LEP: variants seen among roughly 807,000 people sequenced by gnomAD.
LEP encodes leptin.
A neutral mutation model predicts 9.8 loss-of-function variants in LEP; 6 were observed. The ratio of observed to expected loss-of-function variants is 0.61; its 90% CI spans 0.34 to 1.21. The LOEUF (loss-of-function observed/expected upper bound fraction) is 1.21. LEP is among the 50% of genes most tolerant of loss of function. The pLI is 0.04. For synonymous variants in LEP, 112 were observed against 81.7 expected (o/e 1.37, Z -2.00); for missense variants, 134 against 198.1 (o/e 0.68, Z 1.94).
At chr7:128,249,712 G>A (rs975546818) in intron 1 of LEP, among the ~76,000 whole-genome samples, 4 of 152,120 alleles carry the variant, frequency 2.6e-5, no homozygotes, top group African/African-American at 4.8e-5. Flanking sequence ...GTTGATGTGC[G>A]TGTGTGTGTG....
intron 1 of LEP, among the ~76,000 whole-genome samples, chr7:128,244,243 C>T (rs2116205462): frequency 1.2e-5 from 1 of 82,554 alleles, no homozygotes; most frequent in South Asian, 5.5e-4. Context: ...AGAGCAAGAC[C>T]CTGACACACA....
At chr7:128,251,281 G>T (rs1795272004) in intron 1 of LEP, among the ~76,000 whole-genome samples, 1 of 152,184 alleles carries the variant, frequency 6.6e-6, no homozygotes, top group Admixed American at 6.5e-5. Context: ...AGCATCTGTT[G>T]TTCACCATTG....
intron 1 of LEP, among the ~76,000 whole-genome samples, chr7:128,246,106 A>C (rs1795208237): frequency 6.6e-6 from 1 of 152,018 alleles, no homozygotes; most frequent in African/African-American, 2.4e-5. Flanking sequence ...AAAAAAAATA[A>C]AGAGGAGCAC....
Position 128,254,622 on chromosome 7 carries a change from G to A in LEP, c.363G>A (p.Trp121Ter). 6.2e-7 allele frequency: 1 copy of A among 1,614,146 alleles called. No individual in the cohort carries two copies. The highest frequency in any genetic ancestry group is 1.1e-5 in the South Asian group (1 of 91,084). Reference sequence around the variant, plus strand: ...TCTCTAAGAGCTGCCACTTGCCCTGGGCCAGTGGCCTGGAGACCTTGGACA... The same window carrying A: ...TCTCTAAGAGCTGCCACTTGCCCTGAGCCAGTGGCCTGGAGACCTTGGACA... The part of the protein sequence containing the change: ...LAFSKSCHLP[W>*]ASGLETLDSL... Residue 121 changes from tryptophan (W) to a stop codon, truncating the protein, a stop_gained, in exon 3 of 3, where the codon TGG (tryptophan) becomes TGA (stop). Transcript: ENST00000308868. LOFTEE classifies it high-confidence loss of function.
intron 1 of LEP, among the ~76,000 whole-genome samples, chr7:128,249,598 A>G (rs906270773): frequency 2.6e-5 from 4 of 152,208 alleles, no homozygotes; most frequent in African/African-American, 4.8e-5. Context: ...TTTATTCTAG[A>G]TGGCCATATC....
At chr7:128,249,955 T>C (rs1337266938) in intron 1 of LEP, among the ~76,000 whole-genome samples, 1 of 152,180 alleles carries the variant, frequency 6.6e-6, no homozygotes, top group East Asian at 1.9e-4. Flanking sequence ...TCAGTGGTGA[T>C]AGAGGGGGCT....
At chr7:128,244,452 C>T (rs182970851) in intron 1 of LEP, among the ~76,000 whole-genome samples, 32 of 152,300 alleles carry the variant, frequency 2.1e-4, no homozygotes, top group Non-Finnish European at 4.3e-4. Context: ...AAATCACTCA[C>T]GCTGGCCCTG....
chr7:128,250,809 A>G (rs1795266108), intron 1 of LEP, among the ~76,000 whole-genome samples: 1 of 152,138 alleles, frequency 6.6e-6, no homozygotes, highest in Non-Finnish European at 1.5e-5. Context: ...TCATCCTAAT[A>G]TTTACTTACA....
Position 128,255,070 on chromosome 7 carries a change from A to T in LEP, c.*307A>T. The T allele has an allele frequency of 4.9e-6, 2 of 407,420 alleles. No homozygotes were observed. The highest frequency in any genetic ancestry group is 9.3e-6 in the Non-Finnish European group (2 of 215,112). 25.2% of individuals were successfully genotyped at this position (407,420 alleles called of 1,614,324 possible). On this transcript the variant is annotated 3_prime_UTR_variant, in exon 3 of 3. Coordinates refer to ENST00000308868, the MANE Select transcript of LEP (RefSeq NM_000230.3). ...ACAAGAGTTGTCTTGTCCCCTCTTG[A>T]CCCATCTCCCCCTCACTGAATGCCT...
At chr7:128,250,599 T>C (rs1365353118) in intron 1 of LEP, among the ~76,000 whole-genome samples, 1 of 152,110 alleles carries the variant, frequency 6.6e-6, no homozygotes, top group Non-Finnish European at 1.5e-5. Context: ...TTCTGTGAAA[T>C]TCAGATTAAA....
chr7:128,242,779 C>T (rs2116201164), intron 1 of LEP, among the ~76,000 whole-genome samples: 1 of 152,346 alleles, frequency 6.6e-6, no homozygotes, highest in East Asian at 1.9e-4. Flanking sequence ...TCCTGCCCGT[C>T]AGCCCCAGGC....
chr7:128,252,118 CTCA>C lies in LEP; in HGVS notation c.104_106del (p.Ile35del), dbSNP rs747703977. On this transcript the variant is annotated inframe_deletion, in exon 2 of 3. Transcript: ENST00000308868. Reference sequence around the variant, plus strand: ...AAAAGTCCAAGATGACACCAAAACCCTCATCAAGACAATTGTCACCAGGATCAA... The same window carrying C: ...AAAAGTCCAAGATGACACCAAAACCCTCAAGACAATTGTCACCAGGATCAA... 2 of 1,614,192 alleles carry C rather than the reference CTCA, an allele frequency of 1.2e-6. No homozygotes were observed. The highest frequency in any genetic ancestry group is 1.1e-5 in the South Asian group (1 of 91,084).
At chr7:128,243,425 T>A (rs1221638860) in intron 1 of LEP, among the ~76,000 whole-genome samples, 1 of 151,378 alleles carries the variant, frequency 6.6e-6, no homozygotes, top group Non-Finnish European at 1.5e-5. Context: ...AGGGCAGGGG[T>A]CTCTGAGAAG....
rs28954094 is a variant in LEP, at chr7:128,247,404, C to A, written c.-28-4587C>A. On this transcript the variant is annotated intron_variant, in intron 1 of 2. Transcript: ENST00000308868. ...CTCTCCTCATGTCTCTCCTAGTTTCCATCTCCATCCTTCTAGTCAGCCAGG... is the reference window on the plus strand; with the variant it reads ...CTCTCCTCATGTCTCTCCTAGTTTCAATCTCCATCCTTCTAGTCAGCCAGG... 9.1e-3 allele frequency among the ~76,000 whole-genome samples: 1,388 copies of A among 152,254 alleles called. 22 individuals carry two copies. Among genetic ancestry groups the A allele is most frequent in the African/African-American group, 0.031 (1,301 of 41,540 alleles).
chr7:128,247,637 T>G (rs988601114), intron 1 of LEP, among the ~76,000 whole-genome samples: 1 of 152,092 alleles, frequency 6.6e-6, no homozygotes, highest in Non-Finnish European at 1.5e-5. Context: ...TCCTACCCAT[T>G]CTCAGGTCCC....
intron 1 of LEP, among the ~76,000 whole-genome samples, chr7:128,250,479 AG>A (rs1795260885): frequency 1.3e-5 from 2 of 151,244 alleles, no homozygotes; most frequent in South Asian, 4.2e-4. Context: ...GAGGAGCTGG[AG>A]GGGTGGGTGG....
chr7:128,252,213 G>T, intron 2 of LEP, 51 bp downstream of exon 2: 1 of 1,600,194 alleles, frequency 6.2e-7, no homozygotes, highest in Non-Finnish European at 8.6e-7. Context: ...CCCAGCACTG[G>T]CTCCTAGTGG....
intron 1 of LEP, among the ~76,000 whole-genome samples, chr7:128,246,699 G>T (rs1342195327): frequency 6.6e-6 from 1 of 152,020 alleles, no homozygotes; most frequent in African/African-American, 2.4e-5. Flanking sequence ...CTGGGCTCAA[G>T]CGATCCTCCT....
intron 1 of LEP, among the ~76,000 whole-genome samples, chr7:128,246,851 A>T (rs1795217339): frequency 6.6e-6 from 1 of 152,106 alleles, no homozygotes; most frequent in Non-Finnish European, 1.5e-5. Flanking sequence ...AGGGTAGAAG[A>T]TGGGGCAGCC....
Sources: allele counts gnomAD v4.1 joint callset (sites outside exome capture counted in the v4.1 genomes callset), GRCh38; gene constraint gnomAD v4.1.1; transcripts MANE v1.5; gene names NCBI Gene and HGNC (gene_info 2026-07-23, HGNC 2026-07-21).